GYS1: variants seen among roughly 807,000 people sequenced by gnomAD.
GYS1 encodes the protein glycogen [starch] synthase, muscle.
Under a neutral mutation model 89.1 loss-of-function variants are expected in GYS1, and 60 were observed. The ratio of observed to expected loss-of-function variants is 0.67; its 90% CI spans 0.55 to 0.84. The LOEUF (loss-of-function observed/expected upper bound fraction) is 0.84. Among genes scored for constraint, GYS1 ranks in the 40% least tolerant of loss-of-function variants. The pLI is 0.00. For synonymous variants in GYS1, 366 were observed against 401.7 expected, an observed-to-expected ratio of 0.91 and a Z score of 1.06; for missense variants, 888 against 1,003.1, an observed-to-expected ratio of 0.89 and a Z score of 1.55.
At chr19:48,969,981 C>T in intron 14 of GYS1, 126 bp from the exon 15 acceptor site, 5 of 688,274 alleles carry the variant, frequency 7.3e-6, no homozygotes, top group Non-Finnish European at 1.3e-5. Context: ...ACAAATAATC[C>T]ATCTATCTGA....
At chr19:48,977,842 T>A in intron 10 of GYS1, 82 bp downstream of exon 10, 1 of 1,005,702 alleles carries the variant, frequency 9.9e-7, no homozygotes, top group Non-Finnish European at 1.6e-6. Context: ...CCCAGCAATC[T>A]CTGGGGTCTG....
chr19:48,970,155 T>C (rs1030875333), intron 14 of GYS1: 13 of 496,396 alleles, frequency 2.6e-5, no homozygotes, highest in Non-Finnish European at 4.4e-5. Flanking sequence ...CACGGTCTTG[T>C]TCTGTTACTC....
intron 5 of GYS1, 130 bp from the exon 6 acceptor site, chr19:48,982,967 C>T (rs1327558609): frequency 2.7e-6 from 2 of 727,566 alleles, no homozygotes; most frequent in South Asian, 1.5e-5. Context: ...CCTATGAGGT[C>T]CCCCCTCCCA....
intron 8 of GYS1, among the ~76,000 whole-genome samples, chr19:48,979,788 G>A (rs1484152082): frequency 6.6e-6 from 1 of 151,214 alleles, no homozygotes; most frequent in Non-Finnish European, 1.5e-5. Flanking sequence ...TAGGACTACA[G>A]ATGTGTGTCA....
Position 48,968,803 on chromosome 19 carries a change from G to C in GYS1, c.*485C>G. 1 of 455,446 alleles carries C rather than the reference G, an allele frequency of 2.2e-6. No homozygotes were observed. The allele number at this position is 455,446 out of a possible 1,614,324, so 28.2% of individuals were successfully genotyped here. On this transcript the variant is annotated 3_prime_UTR_variant, in exon 16 of 16. Coordinates refer to ENST00000323798, the MANE Select transcript of GYS1 (RefSeq NM_002103.5). ...CTGCTCTCAGTTACCTTCAAACTCTGAAAGTGCCCCGGCTCTGGACTTGAT... is the reference window on the plus strand; with the variant it reads ...CTGCTCTCAGTTACCTTCAAACTCTCAAAGTGCCCCGGCTCTGGACTTGAT...
chr19:48,986,558 C>T (rs993719421), intron 3 of GYS1, among the ~76,000 whole-genome samples: 7 of 150,382 alleles, frequency 4.7e-5, no homozygotes, highest in Non-Finnish European at 8.9e-5. Context: ...GCTGGAGTGC[C>T]GTGATGCAAT....
At chr19:48,976,447 G>T (rs150276961) in intron 10 of GYS1, among the ~76,000 whole-genome samples, 1,770 of 152,184 alleles carry the variant, frequency 0.012, 21 homozygotes, top group Non-Finnish European at 0.017. Context: ...TAGAATGACG[G>T]TAAGTTCTCA....
intron 5 of GYS1, among the ~76,000 whole-genome samples, chr19:48,984,151 C>T (rs1375761409): frequency 4.6e-5 from 7 of 150,572 alleles, no homozygotes; most frequent in East Asian, 2.0e-4. Flanking sequence ...GGATTACAGG[C>T]GCCTGCCACC....
rs78117628 is a variant in GYS1, at chr19:48,992,732, G to C, written c.118+263C>G. 1.5e-3 allele frequency among the ~76,000 whole-genome samples: 224 copies of C among 152,126 alleles called. 4 individuals carry two copies. The East Asian group carries it at 0.041, about 28-fold the overall frequency. On this transcript the variant is annotated intron_variant, in intron 1 of 15. Transcript: ENST00000323798. ...CAGGTATCTAGTCTCTCGGAAGCCT[G>C]CCTCCAGGACCTAGGAGTCTCATTT... is the stretch of plus-strand genomic sequence containing the variant.
rs2038858712 is a variant in GYS1 at position 48,987,363 on chromosome 19, A to G, written c.323T>C (p.Ile108Thr). ...GCKVYFGRWL[I>T]EGGPLVVLLD... Reference sequence around the variant, plus strand: ...GAGCACCACCAGAGGGCCTCCCTCGATCAGCCAGCGCCCGAAATACACCTG... The same window carrying G: ...GAGCACCACCAGAGGGCCTCCCTCGGTCAGCCAGCGCCCGAAATACACCTG... Residue 108 changes from isoleucine to threonine, a missense_variant, in exon 3 of 16, where the codon ATC becomes ACC. Transcript: ENST00000323798. The G allele has an allele frequency of 2.5e-6, 4 of 1,607,694 alleles. No homozygotes were observed. The Admixed American group carries it at 6.7e-5, about 27-fold the overall frequency.
intron 5 of GYS1, among the ~76,000 whole-genome samples, chr19:48,984,690 A>G (rs1035331056): frequency 2.6e-5 from 4 of 152,004 alleles, no homozygotes; most frequent in Non-Finnish European, 2.9e-5. Context: ...CACTGCGCCC[A>G]GCCTATTCAA....
At chr19:48,975,087 C>A (rs1311343660) in intron 10 of GYS1, among the ~76,000 whole-genome samples, 1 of 152,044 alleles carries the variant, frequency 6.6e-6, no homozygotes, top group Admixed American at 6.6e-5. Context: ...CCTACCACCA[C>A]GCCCGGTTAA....
intron 5 of GYS1, 99 bp from the exon 6 acceptor site, chr19:48,982,936 T>G (rs2038789427): frequency 1.1e-6 from 1 of 932,334 alleles, no homozygotes; most frequent in African/African-American, 1.6e-5. Context: ...CCTTTTGCAA[T>G]TTTTTTGTTT....
intron 2 of GYS1, 125 bp from the exon 3 acceptor site, chr19:48,987,510 C>T: frequency 4.4e-6 from 3 of 678,808 alleles, no homozygotes; most frequent in Non-Finnish European, 7.3e-6. Context: ...CTCTTATCTT[C>T]TGTTTCCATA....
intron 2 of GYS1, among the ~76,000 whole-genome samples, chr19:48,988,011 C>T (rs1282020614): frequency 6.6e-6 from 1 of 152,138 alleles, no homozygotes; most frequent in African/African-American, 2.4e-5. Context: ...ACTGTGTTAG[C>T]CAGGATGATC....
chr19:48,978,655 C>T (rs992385246), intron 8 of GYS1, among the ~76,000 whole-genome samples: 3 of 151,930 alleles, frequency 2.0e-5, no homozygotes, highest in Admixed American at 1.3e-4. Flanking sequence ...CCTCAGCCTC[C>T]TGAGTAGCCG....
In GYS1 at chr19:48,985,593, T is replaced by C. The variant is rs760918207; in HGVS notation, c.691A>G (p.Lys231Glu). ...TAGATCTGCCTCTCCCCTGCTTCCT[T>C]GTCCACGTTGAACTGGGTGGGAGGG... ...YNNLENFNVDKEAGERQIYHR... is the reference protein window; with the variant it reads ...YNNLENFNVDEEAGERQIYHR... The change falls in exon 5 of 16, where the codon AAG becomes GAG. Residue 231 changes from lysine to glutamate, a missense_variant. Transcript: ENST00000323798. 1 of 1,614,112 alleles carries C rather than the reference T, an allele frequency of 6.2e-7. No individual in the cohort carries two copies. Among genetic ancestry groups the C allele is most frequent in the East Asian group, 2.2e-5 (1 of 44,886 alleles).
At chr19:48,986,733 G>A (rs1218604716) in intron 3 of GYS1, among the ~76,000 whole-genome samples, 3 of 151,998 alleles carry the variant, frequency 2.0e-5, no homozygotes, top group South Asian at 2.1e-4. Flanking sequence ...CTGGCCTCAC[G>A]TGATCTTCCC....
intron 8 of GYS1, among the ~76,000 whole-genome samples, chr19:48,978,953 C>T (rs1351515275): frequency 1.3e-5 from 2 of 152,176 alleles, no homozygotes; most frequent in Non-Finnish European, 2.9e-5. Flanking sequence ...TTAGGACCCA[C>T]GTGCCTGACA....
Sources: gnomAD v4.1 joint callset for allele counts (sites outside exome capture counted in the v4.1 genomes callset) on GRCh38, gnomAD v4.1.1 for gene constraint, MANE v1.5 for transcripts, NCBI Gene and HGNC (gene_info 2026-07-23, HGNC 2026-07-21) for gene names.